Variants in NRXN1 observed in about 807,000 individuals in gnomAD.
The protein encoded by NRXN1 is neurexin 1, also known as neurexin-1.
A neutral mutation model predicts 150.9 loss-of-function variants in NRXN1; 39 were observed. That is an observed-to-expected ratio of 0.26 (90% CI 0.20 to 0.34). NRXN1 has a LOEUF of 0.34. Ranked by LOEUF, NRXN1 falls within the 10% of genes least tolerant of loss-of-function variation. The pLI is 1.00. For synonymous variants in NRXN1, 924 were observed against 757.0 expected (o/e 1.22, Z -3.62); for missense variants, 1,815 against 1,949.9 (o/e 0.93, Z 1.30).
intron 18 of NRXN1, among the ~76,000 whole-genome samples, chr2:50,148,567 C>T (rs1361847668): frequency 1.3e-5 from 2 of 151,638 alleles, no homozygotes; most frequent in Non-Finnish European, 3.0e-5. Context: ...AGGTCCATTG[C>T]TAGACATGCA....
intron 17 of NRXN1, among the ~76,000 whole-genome samples, chr2:50,295,777 G>A (rs984426329): frequency 3.3e-5 from 5 of 152,118 alleles, no homozygotes; most frequent in Admixed American, 1.3e-4. Context: ...GAAGTCAGTA[G>A]GCATAAGGGA....
At chr2:50,208,701 G>A (rs2062792783) in intron 18 of NRXN1, among the ~76,000 whole-genome samples, 1 of 151,974 alleles carries the variant, frequency 6.6e-6, no homozygotes. Flanking sequence ...TTTGGGGTCT[G>A]AGCTAACATT....
intron 5 of NRXN1, among the ~76,000 whole-genome samples, chr2:50,731,494 T>A (rs946970016): frequency 6.6e-6 from 1 of 151,912 alleles, no homozygotes; most frequent in Admixed American, 6.6e-5. Context: ...AGAAATAAAG[T>A]GAGGGATGGA....
chr2:50,873,728 A>C, intron 5 of NRXN1, among the ~76,000 whole-genome samples: 1 of 151,856 alleles, frequency 6.6e-6, no homozygotes. Flanking sequence ...CTGTTAGATC[A>C]TTATTATTTC....
At chr2:50,878,954 G>C (rs17570759) in intron 5 of NRXN1, among the ~76,000 whole-genome samples, 1 of 151,772 alleles carries the variant, frequency 6.6e-6, no homozygotes, top group Non-Finnish European at 1.5e-5. Context: ...GTTTTTTAGA[G>C]CACCATGATG....
chr2:50,499,717 G>C (rs563808967), intron 13 of NRXN1, among the ~76,000 whole-genome samples: 14 of 151,994 alleles, frequency 9.2e-5, no homozygotes, highest in East Asian at 1.9e-4. Flanking sequence ...GGAGGCCTAG[G>C]GGGGCAGATC....
intron 5 of NRXN1, among the ~76,000 whole-genome samples, chr2:50,893,771 T>G (rs568618048): frequency 1.3e-5 from 2 of 152,242 alleles, no homozygotes; most frequent in African/African-American, 4.8e-5. Context: ...GGTACTATAG[T>G]TATCCTTCAG....
At chr2:50,900,021 T>C (rs1682675559) in intron 5 of NRXN1, among the ~76,000 whole-genome samples, 1 of 152,220 alleles carries the variant, frequency 6.6e-6, no homozygotes, top group African/African-American at 2.4e-5. Context: ...AAAAGGGATT[T>C]TTTTGTGTGT....
At chr2:50,481,198 T>G (rs1181391265) in intron 15 of NRXN1, among the ~76,000 whole-genome samples, 1 of 152,218 alleles carries the variant, frequency 6.6e-6, no homozygotes, top group Non-Finnish European at 1.5e-5. Context: ...CTGTACACTC[T>G]AAGTGGCAAG....
At chr2:50,449,003 C>T (rs2086719325) in intron 17 of NRXN1, among the ~76,000 whole-genome samples, 1 of 151,898 alleles carries the variant, frequency 6.6e-6, no homozygotes, top group Non-Finnish European at 1.5e-5. Flanking sequence ...TATTACTGGC[C>T]CAGAACGAAG....
chr2:50,355,195 G>A (rs1002501940), intron 17 of NRXN1, among the ~76,000 whole-genome samples: 25 of 150,064 alleles, frequency 1.7e-4, no homozygotes, highest in Non-Finnish European at 3.4e-4. Flanking sequence ...CTCTATCTGG[G>A]ATCTATAATC....
intron 5 of NRXN1, among the ~76,000 whole-genome samples, chr2:50,653,028 C>T (rs763095439): frequency 8.9e-4 from 135 of 152,012 alleles, no homozygotes; most frequent in Non-Finnish European, 1.7e-3. Context: ...GTAATGTCCC[C>T]TTTTTCCTGT....
chr2:50,367,956 C>T (rs965883469), intron 17 of NRXN1, among the ~76,000 whole-genome samples: 11 of 151,926 alleles, frequency 7.2e-5, no homozygotes, highest in African/African-American at 2.4e-4. Context: ...TTTCAACTGC[C>T]CTAATTCTTG....
At chr2:50,179,357 T>A (rs893732634) in intron 18 of NRXN1, among the ~76,000 whole-genome samples, 3 of 152,142 alleles carry the variant, frequency 2.0e-5, no homozygotes, top group Admixed American at 1.3e-4. Context: ...TGTGCATAAT[T>A]ACTGCTTTTG....
intron 21 of NRXN1, among the ~76,000 whole-genome samples, chr2:49,982,266 G>A (rs1304751765): frequency 1.3e-5 from 2 of 151,950 alleles, no homozygotes; most frequent in East Asian, 3.8e-4. Flanking sequence ...ATTCAATTTG[G>A]GCCTTGAATG....
chr2:50,190,153 T>C (rs2061355646), intron 18 of NRXN1, among the ~76,000 whole-genome samples: 1 of 152,136 alleles, frequency 6.6e-6, no homozygotes, highest in Non-Finnish European at 1.5e-5. Context: ...ATCATGAAAA[T>C]GGTAAATATC....
At chr2:50,181,738 T>A (rs2060732371) in intron 18 of NRXN1, among the ~76,000 whole-genome samples, 1 of 152,116 alleles carries the variant, frequency 6.6e-6, no homozygotes, top group Non-Finnish European at 1.5e-5. Flanking sequence ...AGAAAAACAT[T>A]TTCAATAAGG....
chr2:50,095,307 C>A (rs1388645893), intron 18 of NRXN1, among the ~76,000 whole-genome samples: 1 of 152,164 alleles, frequency 6.6e-6, no homozygotes, highest in Non-Finnish European at 1.5e-5. Flanking sequence ...TTTTACAGAA[C>A]AAGTTTAATT....
At chr2:50,359,308 T>C (rs1374469074) in intron 17 of NRXN1, among the ~76,000 whole-genome samples, 2 of 151,678 alleles carry the variant, frequency 1.3e-5, no homozygotes, top group East Asian at 3.9e-4. Context: ...AACAGACTCC[T>C]CTGAGCTAAA....
Sources: gnomAD v4.1 joint callset for allele counts (sites outside exome capture counted in the v4.1 genomes callset) on GRCh38, gnomAD v4.1.1 for gene constraint, MANE v1.5 for transcripts, NCBI Gene and HGNC (gene_info 2026-07-23, HGNC 2026-07-21) for gene names.